Variants in CCNL2 observed in about 807,000 individuals in gnomAD.
CCNL2 encodes the protein cyclin-L2.
In CCNL2, 28 loss-of-function variants were observed where a neutral mutation model predicts 59.1. The ratio of observed to expected loss-of-function variants is 0.47; its 90% CI spans 0.35 to 0.65. The LOEUF is 0.65. CCNL2 is among the 30% of genes least tolerant of loss of function. The pLI, the probability that CCNL2 is intolerant of heterozygous loss-of-function variation, is 0.00. For missense variants in CCNL2, 714 were observed against 717.4 expected (o/e 1.00, Z 0.05); for synonymous variants, 342 against 288.6 (o/e 1.19, Z -1.88).
In CCNL2 at chr1:1,386,891, T is replaced by G. The variant is rs982243444; in HGVS notation, c.*340A>C. 3.7e-6 allele frequency: 1 copy of G among 272,208 alleles called. No homozygotes were observed. Among genetic ancestry groups the G allele is most frequent in the Admixed American group, 5.0e-5 (1 of 20,072 alleles). 16.9% of individuals were successfully genotyped at this position (272,208 alleles called of 1,614,324 possible). On this transcript the variant is annotated 3_prime_UTR_variant, in exon 11 of 11. Coordinates refer to ENST00000400809, the MANE Select transcript of CCNL2 (RefSeq NM_030937.6). ...TATCAGTCGGGGAGTGGAGAGCGGC[T>G]GCCGATAGCACCAGGCCATGCCAGG...
intron 4 of CCNL2, 23 bp downstream of exon 4, chr1:1,395,371 C>T (rs771793064): frequency 1.2e-6 from 2 of 1,613,266 alleles, no homozygotes; most frequent in Non-Finnish European, 1.7e-6. Flanking sequence ...GGCGGGCTCG[C>T]AGGGCAGGAG....
At chr1:1,390,595 T>C (rs771535127) in intron 6 of CCNL2, 32 bp from the exon 7 acceptor site, 3 of 1,566,124 alleles carry the variant, frequency 1.9e-6, no homozygotes, top group South Asian at 1.1e-5. Context: ...TCATTACACT[T>C]TCCTCAACTT....
At position 1,387,284 on chromosome 1, in the gene CCNL2, T is replaced by C. The variant is rs1053586852; in HGVS notation, c.1510A>G (p.Thr504Ala). Reference protein sequence around the residue: ...RRERSRSYERTGRRYERDHPG... With the variant: ...RRERSRSYERAGRRYERDHPG... ...TGGTCCCGCTCATAGCGACGGCCTG[T>C]GCGTTCATACGACCTCGAGCGCTCT... Residue 504 changes from threonine (T) to alanine (A), a missense_variant, in exon 11 of 11, where the codon ACA (threonine) becomes GCA (alanine). Thr to Ala is a moderately conservative substitution (Grantham distance 58, BLOSUM62 0). Around this residue, in one of 5 missense-constraint regions of CCNL2, gnomAD observed 403 missense variants for 377.7 expected, o/e 1.07. Coordinates refer to ENST00000400809, the MANE Select transcript of CCNL2 (RefSeq NM_030937.6). 6.2e-6 allele frequency: 10 copies of C among 1,612,648 alleles called. No individual in the cohort carries two copies. The highest frequency in any genetic ancestry group is 1.3e-5 in the African/African-American group (1 of 74,954).
chr1:1,388,828 C>T (rs1289473321), intron 8 of CCNL2: 3 of 381,106 alleles, frequency 7.9e-6, no homozygotes, highest in South Asian at 2.0e-5. Flanking sequence ...GTAATCCCAG[C>T]ACTTTGGGAG....
At chr1:1,391,892 C>T (rs1198905186) in intron 5 of CCNL2, 1 of 253,116 alleles carries the variant, frequency 4.0e-6, no homozygotes, top group African/African-American at 2.3e-5. Context: ...CTGCTCCTCA[C>T]ATACCCCAAT....
chr1:1,391,465 T>G (rs1644757993), intron 5 of CCNL2: 12 of 1,262,694 alleles, frequency 9.5e-6, no homozygotes, highest in African/African-American at 1.6e-5. Flanking sequence ...GCCCCTTGGG[T>G]GCAAGTTGGA....
At chr1:1,393,152 C>T in intron 5 of CCNL2, 2 of 586,528 alleles carry the variant, frequency 3.4e-6, no homozygotes, top group East Asian at 5.7e-5. Flanking sequence ...CCACTGACTG[C>T]TCTCTTCAGG....
chr1:1,393,520 T>C (rs1006426823), intron 4 of CCNL2, 60 bp from the exon 5 acceptor site: 123 of 1,445,670 alleles, frequency 8.5e-5, no homozygotes, highest in Non-Finnish European at 1.1e-4. Flanking sequence ...AATTCAGATC[T>C]TGTGGGTGTC....
At chr1:1,388,583 CTATA>C (rs397978923) in intron 8 of CCNL2, 77 of 217,582 alleles carry the variant, frequency 3.5e-4, no homozygotes, top group African/African-American at 1.6e-3. Flanking sequence ...CTCTCTCTCT[CTATA>C]TATATATATA....
chr1:1,388,942 G>A (rs1004594868), intron 8 of CCNL2: 14 of 250,596 alleles, frequency 5.6e-5, no homozygotes, highest in Non-Finnish European at 1.1e-4. Flanking sequence ...CAGTGTGGTG[G>A]CGGGTACCTG....
Position 1,387,004 on chromosome 1 carries a change from T to G in CCNL2, c.*227A>C. The G allele has an allele frequency of 2.0e-6, 1 of 496,560 alleles. No homozygotes were observed. The highest frequency in any genetic ancestry group is 3.7e-5 in the South Asian group (1 of 26,950). 30.8% of individuals were successfully genotyped at this position (496,560 alleles called of 1,614,324 possible). On this transcript the variant is annotated 3_prime_UTR_variant, in exon 11 of 11. Coordinates refer to ENST00000400809, the MANE Select transcript of CCNL2 (RefSeq NM_030937.6). The stretch of plus-strand genomic sequence containing the variant: ...GCTGAGCCCTGCACGGGCCCAGGTG[T>G]GCGCCGCACCCCAGACCGGTCTGAA...
chr1:1,392,517 C>G (rs1644814909), intron 5 of CCNL2: 1 of 1,317,082 alleles, frequency 7.6e-7, no homozygotes, highest in Admixed American at 3.7e-5. Context: ...GGTACTGCAT[C>G]TTTATCATAC....
chr1:1,396,507 C>G (rs1299781394), intron 3 of CCNL2, among the ~76,000 whole-genome samples: 1 of 151,312 alleles, frequency 6.6e-6, no homozygotes, highest in East Asian at 2.0e-4. Flanking sequence ...CTCAGATGAT[C>G]CACCCGCCTT....
At chr1:1,388,093 C>A in intron 8 of CCNL2, 28 bp from the exon 9 acceptor site, 1 of 1,568,902 alleles carries the variant, frequency 6.4e-7, no homozygotes. Flanking sequence ...GGTTAAAAGC[C>A]AACCACAAAA....
intron 5 of CCNL2, chr1:1,391,700 T>C (rs1262294365): frequency 3.9e-6 from 2 of 510,800 alleles, no homozygotes; most frequent in Non-Finnish European, 3.1e-6. Flanking sequence ...TTAGAAGCTA[T>C]AAACATACAA....
intron 4 of CCNL2, among the ~76,000 whole-genome samples, chr1:1,394,840 C>T (rs866952079): frequency 2.0e-5 from 3 of 151,032 alleles, no homozygotes; most frequent in Non-Finnish European, 2.9e-5. Context: ...GGGAGGATCA[C>T]GAGGGCAAGA....
chr1:1,399,311 T>A lies in CCNL2; in HGVS notation c.-5A>T, dbSNP rs567061416. The A allele has an allele frequency of 1.1e-3, 1,548 of 1,443,622 alleles. 7 individuals are homozygous for A. The African/African-American group carries it at 0.011, about 10-fold the overall frequency. 89.4% of individuals were successfully genotyped at this position (1,443,622 alleles called of 1,614,324 possible). Reference sequence around the variant, plus strand: ...CGCCGCCGCCGCCGCCGCCATTTTGTGCCGCCGACTCCCCTTCGGCTTCTT... The same window carrying A: ...CGCCGCCGCCGCCGCCGCCATTTTGAGCCGCCGACTCCCCTTCGGCTTCTT... On this transcript the variant is annotated 5_prime_UTR_variant, in exon 1 of 11. Coordinates refer to ENST00000400809, the MANE Select transcript of CCNL2 (RefSeq NM_030937.6).
chr1:1,387,624 C>A lies in CCNL2; in HGVS notation c.1212-42G>T, dbSNP rs188718599. The A allele has an allele frequency of 1.3e-4, 185 of 1,444,962 alleles. No individual in the cohort carries two copies. The African/African-American group carries it at 2.5e-3, about 19-fold the overall frequency. The allele number at this position is 1,444,962 out of a possible 1,614,324, so 89.5% of individuals were successfully genotyped here. On this transcript the variant is annotated intron_variant, in intron 10 of 10. Transcript: ENST00000400809. Reference sequence around the variant, plus strand: ...CACCACCACACGTGTGACCATCTGGCCCGGCCAGGCCCCACACACCCACAG... The same window carrying A: ...CACCACCACACGTGTGACCATCTGGACCGGCCAGGCCCCACACACCCACAG...
At chr1:1,393,055 A>T in intron 5 of CCNL2, 1 of 600,410 alleles carries the variant, frequency 1.7e-6, no homozygotes. Flanking sequence ...GTCAGTGGAG[A>T]AACAGACCAA....
Sources: gnomAD v4.1 joint callset for allele counts (sites outside exome capture counted in the v4.1 genomes callset) on GRCh38, gnomAD v4.1.1 for gene constraint, gnomAD v4.1.1 regional missense constraint, MANE v1.5 for transcripts, NCBI Gene and HGNC (gene_info 2026-07-23, HGNC 2026-07-21) for gene names.